The following FCHSD2 variants were observed in gnomAD, a reference collection of about 807,000 sequenced individuals.
The protein encoded by FCHSD2 is FCH and double SH3 domains 2, also known as F-BAR and double SH3 domains protein 2.
In FCHSD2, 38 loss-of-function variants were observed where a neutral mutation model predicts 108.1. The ratio of observed to expected loss-of-function variants is 0.35; its 90% CI spans 0.27 to 0.46. The LOEUF (loss-of-function observed/expected upper bound fraction) is 0.46, where lower values mean the gene tolerates loss of function less well. Among genes scored for constraint, FCHSD2 ranks in the 20% least tolerant of loss-of-function variants. The pLI is 1.00. For missense variants in FCHSD2, 751 were observed against 897.8 expected (o/e 0.84, Z 2.09); for synonymous variants, 279 against 314.7 (o/e 0.89, Z 1.20).
In FCHSD2 at chr11:72,923,349, C is replaced by T. The variant is rs544636773; in HGVS notation, c.706-1399G>A. Reference sequence around the variant, plus strand: ...GGAATTGCTCGGTCATATGATAACTCTATGTTTAATTTTGAGGAACTGTCA... The same window carrying T: ...GGAATTGCTCGGTCATATGATAACTTTATGTTTAATTTTGAGGAACTGTCA... On this transcript the variant is annotated intron_variant, in intron 8 of 19. Coordinates refer to ENST00000409418, the MANE Select transcript of FCHSD2 (RefSeq NM_014824.3). Among the ~76,000 whole-genome samples, 10 of 152,248 alleles carry T rather than the reference C, an allele frequency of 6.6e-5. No individual in the cohort carries two copies. In the South Asian group the frequency reaches 2.1e-3, roughly 32 times the overall value.
intron 8 of FCHSD2, among the ~76,000 whole-genome samples, chr11:72,958,299 C>A (rs1256071444): frequency 6.6e-6 from 1 of 152,174 alleles, no homozygotes; most frequent in African/African-American, 2.4e-5. Context: ...AGGCGGATCA[C>A]TTGAGGTCAG....
At chr11:72,925,543 CAAAT>C (rs147845987) in intron 8 of FCHSD2, among the ~76,000 whole-genome samples, 244 of 152,260 alleles carry the variant, frequency 1.6e-3, no homozygotes, top group African/African-American at 5.7e-3. Flanking sequence ...AACAAACAAA[CAAAT>C]AAATTTCTAA....
At chr11:72,998,037 A>G (rs957122409) in intron 5 of FCHSD2, among the ~76,000 whole-genome samples, 1 of 152,242 alleles carries the variant, frequency 6.6e-6, no homozygotes, top group African/African-American at 2.4e-5. Context: ...GTAGAACAGT[A>G]TATTAATAAA....
intron 4 of FCHSD2, among the ~76,000 whole-genome samples, chr11:73,009,392 G>T (rs965764993): frequency 1.3e-5 from 2 of 152,130 alleles, no homozygotes; most frequent in Non-Finnish European, 2.9e-5. Context: ...AGTTGCTCGG[G>T]AGGCTGAGGC....
chr11:72,979,151 C>T (rs1042803991), intron 8 of FCHSD2, among the ~76,000 whole-genome samples: 1 of 152,052 alleles, frequency 6.6e-6, no homozygotes, highest in Non-Finnish European at 1.5e-5. Flanking sequence ...AGTCACCATG[C>T]CCGGCCACAG....
At chr11:72,957,386 G>C (rs1279675955) in intron 8 of FCHSD2, among the ~76,000 whole-genome samples, 1 of 150,994 alleles carries the variant, frequency 6.6e-6, no homozygotes, top group African/African-American at 2.4e-5. Context: ...TGGCTGCATA[G>C]TATTCCATGG....
intron 2 of FCHSD2, among the ~76,000 whole-genome samples, chr11:73,138,906 C>G (rs930543825): frequency 3.9e-5 from 6 of 152,102 alleles, no homozygotes; most frequent in African/African-American, 1.4e-4. Context: ...CTGCGCACGG[C>G]CTCGCATAGG....
intron 2 of FCHSD2, among the ~76,000 whole-genome samples, chr11:73,124,145 C>A (rs1447476714): frequency 2.0e-5 from 3 of 152,112 alleles, no homozygotes; most frequent in Admixed American, 2.0e-4. Context: ...TCACTCTGAG[C>A]AAACTATTGC....
At chr11:73,010,872 T>C (rs1025415769) in intron 4 of FCHSD2, among the ~76,000 whole-genome samples, 13 of 152,064 alleles carry the variant, frequency 8.5e-5, no homozygotes, top group Non-Finnish European at 1.6e-4. Context: ...GCTGGGTGGG[T>C]GGGCAGATTC....
intron 8 of FCHSD2, among the ~76,000 whole-genome samples, chr11:72,975,994 T>A (rs780427172): frequency 6.6e-6 from 1 of 152,254 alleles, no homozygotes. Context: ...AGTTCATATA[T>A]TGCACAAGAA....
At chr11:72,841,968 C>T (rs753208235) in intron 17 of FCHSD2, among the ~76,000 whole-genome samples, 25 of 152,214 alleles carry the variant, frequency 1.6e-4, no homozygotes, top group Non-Finnish European at 3.5e-4. Context: ...GAATTTCTGA[C>T]TTCCCCAGGT....
intron 12 of FCHSD2, among the ~76,000 whole-genome samples, chr11:72,868,309 G>A (rs924765415): frequency 3.3e-5 from 5 of 152,056 alleles, no homozygotes; most frequent in South Asian, 2.1e-4. Context: ...GAGAACATAC[G>A]GACACATGAG....
chr11:72,917,066 C>A (rs893079417), intron 9 of FCHSD2, among the ~76,000 whole-genome samples: 2 of 150,892 alleles, frequency 1.3e-5, no homozygotes, highest in African/African-American at 4.9e-5. Context: ...CTCACTGCAA[C>A]CTCCACCTTT....
chr11:72,987,491 C>G (rs994370674), intron 6 of FCHSD2, among the ~76,000 whole-genome samples: 1 of 152,184 alleles, frequency 6.6e-6, no homozygotes, highest in Non-Finnish European at 1.5e-5. Flanking sequence ...CATCTCTGTA[C>G]TCACCATATC....
intron 2 of FCHSD2, among the ~76,000 whole-genome samples, chr11:73,100,174 C>A (rs1310783756): frequency 6.6e-6 from 1 of 152,134 alleles, no homozygotes; most frequent in Non-Finnish European, 1.5e-5. Context: ...GTGAACACAC[C>A]CTCTGTTTCA....
intron 8 of FCHSD2, among the ~76,000 whole-genome samples, chr11:72,967,666 C>A (rs1257903125): frequency 6.6e-6 from 1 of 152,070 alleles, no homozygotes; most frequent in Non-Finnish European, 1.5e-5. Context: ...TGGGGGATAA[C>A]AGAAATGTTC....
intron 10 of FCHSD2, among the ~76,000 whole-genome samples, chr11:72,896,890 G>A (rs368544385): frequency 1.3e-4 from 20 of 151,500 alleles, no homozygotes; most frequent in African/African-American, 3.6e-4. Context: ...GCAGTGGCGC[G>A]ATCTCGGCTC....
At chr11:73,037,850 A>G (rs560624496) in intron 3 of FCHSD2, among the ~76,000 whole-genome samples, 2 of 152,232 alleles carry the variant, frequency 1.3e-5, no homozygotes, top group Non-Finnish European at 2.9e-5. Flanking sequence ...ATAGTGGACA[A>G]CTTTAGGAAA....
intron 3 of FCHSD2, among the ~76,000 whole-genome samples, chr11:73,052,743 G>A (rs888599314): frequency 6.6e-6 from 1 of 152,138 alleles, no homozygotes; most frequent in Non-Finnish European, 1.5e-5. Flanking sequence ...GTAAGAAAGG[G>A]ATACAAGTAT....
Sources: gnomAD v4.1 joint callset for allele counts (sites outside exome capture counted in the v4.1 genomes callset) on GRCh38, gnomAD v4.1.1 for gene constraint, MANE v1.5 for transcripts, NCBI Gene and HGNC (gene_info 2026-07-23, HGNC 2026-07-21) for gene names.